Variants in CYSLTR1 observed in about 807,000 individuals in gnomAD.
CYSLTR1 encodes the protein cysteinyl leukotriene receptor 1, also known as G-protein coupled receptor HG55.
CYSLTR1 carries 1 observed loss-of-function variant against 2.1 expected under a neutral mutation model. That is an observed-to-expected ratio of 0.48 (90% CI 0.17 to 2.28). The LOEUF is 2.28. CYSLTR1 is among the 30% of genes most tolerant of loss of function. The pLI is 0.26. For synonymous variants in CYSLTR1, 110 were observed against 89.6 expected, an observed-to-expected ratio of 1.23 and a Z score of -1.28; for missense variants, 299 against 250.1, an observed-to-expected ratio of 1.20 and a Z score of -1.32.
In CYSLTR1 at chrX:78,313,528, GTAAAAT is replaced by G. The variant is rs1468127042; in HGVS notation, c.-115+13771_-115+13776del. Among the ~76,000 whole-genome samples, 4 of 111,967 alleles carry G rather than the reference GTAAAAT, an allele frequency of 3.6e-5. No individual in the cohort carries two copies. In the East Asian group the frequency reaches 1.1e-3, roughly 31 times the overall value. Reference sequence around the variant, plus strand: ...AATGCAACCAAAATAATAGCTAAAAGTAAAATTATGAAGAAATTTAATAGATTGGCA... The same window carrying G: ...AATGCAACCAAAATAATAGCTAAAAGTATGAAGAAATTTAATAGATTGGCA... On this transcript the variant is annotated intron_variant, in intron 1 of 2. Coordinates refer to ENST00000373304, the MANE Select transcript of CYSLTR1 (RefSeq NM_006639.4).
Position 78,273,365 on chromosome X carries a change from GA to G in CYSLTR1, c.381del (p.Pro128GlnfsTer18). ...MSFFRCIAIV[F>X]PVQNINLVTQ... ...GTAACCAAATTAATGTTCTGGACTG[GA>G]AAAACAATTGCAATGCACCGGAAAA... On this transcript the variant is annotated frameshift_variant, in exon 3 of 3. Transcript: ENST00000373304. LOFTEE classifies it low-confidence loss of function (END_TRUNC). The G allele has an allele frequency of 8.3e-7, 1 of 1,211,209 alleles. No homozygotes were observed.
At chrX:78,275,027 A>G (rs1391765010) in intron 2 of CYSLTR1, among the ~76,000 whole-genome samples, 2 of 111,548 alleles carry the variant, frequency 1.8e-5, no homozygotes, top group East Asian at 5.6e-4. Flanking sequence ...AACCACAATG[A>G]GATACCATCT....
intron 1 of CYSLTR1, among the ~76,000 whole-genome samples, chrX:78,297,802 T>A (rs1922638626): frequency 8.9e-6 from 1 of 111,742 alleles, no homozygotes; most frequent in Admixed American, 9.4e-5. Flanking sequence ...TTGTTAATTT[T>A]GCTTAACTTT....
Position 78,273,790 on chromosome X carries a change from A to G in CYSLTR1, c.-27-17T>C. The G allele has an allele frequency of 3.5e-6, 4 of 1,130,071 alleles. No individual in the cohort carries two copies. The highest frequency in any genetic ancestry group is 4.7e-6 in the Non-Finnish European group (4 of 849,584). 93.1% of individuals were successfully genotyped at this position (1,130,071 alleles called of 1,213,427 possible). On this transcript the variant is annotated splice_polypyrimidine_tract_variant and intron_variant, in intron 2 of 2. Coordinates refer to ENST00000373304, the MANE Select transcript of CYSLTR1 (RefSeq NM_006639.4). ...GCTTTGTGCCTATAATAAATAAAAA[A>G]AATTGTCAATTTTAACTAGACCATA...
At chrX:78,295,815 G>A (rs745935133) in intron 1 of CYSLTR1, among the ~76,000 whole-genome samples, 1 of 111,586 alleles carries the variant, frequency 9.0e-6, no homozygotes, top group East Asian at 2.8e-4. Context: ...CATATGGGTA[G>A]TTTGCAAATA....
chrX:78,314,584 T>A (rs1282071923), intron 1 of CYSLTR1, among the ~76,000 whole-genome samples: 1 of 111,466 alleles, frequency 9.0e-6, no homozygotes, highest in Non-Finnish European at 1.9e-5. Context: ...AGTGACAGTG[T>A]GGTGGGAAGA....
chrX:78,296,245 C>G (rs1261886130), intron 1 of CYSLTR1, among the ~76,000 whole-genome samples: 1 of 111,377 alleles, frequency 9.0e-6, no homozygotes, highest in Non-Finnish European at 1.9e-5. Context: ...CTATTCTGTT[C>G]CGTTGGTCTG....
In CYSLTR1 at chrX:78,273,750, T is replaced by A. The variant is rs1921435119; in HGVS notation, c.-4A>T. The A allele has an allele frequency of 2.5e-6, 3 of 1,189,098 alleles. No homozygotes were observed. In the East Asian group the frequency reaches 8.9e-5, roughly 35 times the overall value. On this transcript the variant is annotated 5_prime_UTR_variant, in exon 3 of 3. Coordinates refer to ENST00000373304, the MANE Select transcript of CYSLTR1 (RefSeq NM_006639.4). ...TCAGATTTCCTGTTTCATCCATGTT[T>A]CTCTACGAATGTCTGCTTTGTGCCT... is the stretch of plus-strand genomic sequence containing the variant.
chrX:78,290,555 C>T (rs768589793), intron 1 of CYSLTR1, among the ~76,000 whole-genome samples: 2 of 111,795 alleles, frequency 1.8e-5, no homozygotes, highest in East Asian at 5.6e-4. Context: ...GCAGTATGGC[C>T]ACTTTCACAA....
At chrX:78,315,194 C>T (rs1419376769) in intron 1 of CYSLTR1, among the ~76,000 whole-genome samples, 1 of 108,354 alleles carries the variant, frequency 9.2e-6, no homozygotes, top group Non-Finnish European at 1.9e-5. Flanking sequence ...AAGGGAAGGA[C>T]CTAGTCCTGG....
At chrX:78,314,269 T>C (rs1191028497) in intron 1 of CYSLTR1, among the ~76,000 whole-genome samples, 1 of 111,768 alleles carries the variant, frequency 8.9e-6, no homozygotes, top group Non-Finnish European at 1.9e-5. Flanking sequence ...GAGTTGATGA[T>C]TCACCCACAG....
intron 1 of CYSLTR1, among the ~76,000 whole-genome samples, chrX:78,318,253 G>C (rs919891081): frequency 6.2e-5 from 7 of 112,022 alleles, no homozygotes; most frequent in Middle Eastern, 4.6e-3. Context: ...GATGGAACTG[G>C]AGCCCATTAT....
intron 1 of CYSLTR1, among the ~76,000 whole-genome samples, chrX:78,318,707 C>A (rs759096434): frequency 9.0e-6 from 1 of 111,393 alleles, no homozygotes; most frequent in Non-Finnish European, 1.9e-5. Flanking sequence ...GATAAAACAA[C>A]CTTCTCTTCA....
At chrX:78,303,794 G>C (rs1184465385) in intron 1 of CYSLTR1, among the ~76,000 whole-genome samples, 1 of 111,542 alleles carries the variant, frequency 9.0e-6, no homozygotes, top group Non-Finnish European at 1.9e-5. Flanking sequence ...AGGCTTCAGT[G>C]GATGATTAAT....
At chrX:78,278,889 A>T (rs1353307618) in intron 2 of CYSLTR1, among the ~76,000 whole-genome samples, 2 of 112,592 alleles carry the variant, frequency 1.8e-5, no homozygotes, top group African/African-American at 6.5e-5. Flanking sequence ...TGGTGCTGAG[A>T]TAACTGGCTA....
intron 2 of CYSLTR1, among the ~76,000 whole-genome samples, chrX:78,281,288 A>T (rs1261730803): frequency 1.9e-5 from 2 of 103,692 alleles, no homozygotes; most frequent in Non-Finnish European, 3.9e-5. Context: ...TTTTTTTGAG[A>T]CAGGGTCTCA....
intron 2 of CYSLTR1, among the ~76,000 whole-genome samples, chrX:78,278,657 G>T (rs1469391567): frequency 8.9e-6 from 1 of 111,965 alleles, no homozygotes; most frequent in Admixed American, 9.5e-5. Context: ...AACACCCAAA[G>T]CAAACTAAGC....
intron 1 of CYSLTR1, among the ~76,000 whole-genome samples, chrX:78,301,717 C>A (rs930069004): frequency 8.9e-6 from 1 of 112,082 alleles, no homozygotes; most frequent in African/African-American, 3.2e-5. Flanking sequence ...GCCTGTTACC[C>A]AGTTCCAAAG....
chrX:78,313,848 T>A (rs187135382), intron 1 of CYSLTR1, among the ~76,000 whole-genome samples: 51 of 111,864 alleles, frequency 4.6e-4, no homozygotes, highest in Non-Finnish European at 7.2e-4. Context: ...GATCATATAA[T>A]TTAGGGGGTA....
Sources: allele counts gnomAD v4.1 joint callset (sites outside exome capture counted in the v4.1 genomes callset), GRCh38; gene constraint gnomAD v4.1.1; transcripts MANE v1.5; gene names NCBI Gene and HGNC (gene_info 2026-07-23, HGNC 2026-07-21).